Variants in CNTN4 observed in about 807,000 individuals in gnomAD.
The protein encoded by CNTN4 is contactin 4.
In CNTN4, 77 loss-of-function variants were observed where a neutral mutation model predicts 122.5. That is an observed-to-expected ratio of 0.63 (90% CI 0.52 to 0.76). CNTN4 has a LOEUF of 0.76. Ranked by LOEUF, CNTN4 falls within the 30% of genes least tolerant of loss-of-function variation. The pLI is 0.00. For missense variants in CNTN4, 1,256 were observed against 1,259.1 expected (o/e 1.00, Z 0.04); for synonymous variants, 512 against 447.0 (o/e 1.15, Z -1.83).
At chr3:2,479,015 T>C (rs1414266109) in intron 3 of CNTN4, among the ~76,000 whole-genome samples, 2 of 152,146 alleles carry the variant, frequency 1.3e-5, no homozygotes, top group African/African-American at 4.8e-5. Context: ...CTTAACTGCA[T>C]ATTCTCTTAT....
At chr3:2,264,338 G>A (rs2040957025) in intron 2 of CNTN4, among the ~76,000 whole-genome samples, 1 of 151,958 alleles carries the variant, frequency 6.6e-6, no homozygotes, top group Non-Finnish European at 1.5e-5. Flanking sequence ...TTCTCACTGT[G>A]TTTTTTACTT....
intron 2 of CNTN4, among the ~76,000 whole-genome samples, chr3:2,297,619 A>C (rs1303586797): frequency 6.6e-6 from 1 of 152,100 alleles, no homozygotes; most frequent in African/African-American, 2.4e-5. Context: ...TGTTATTTTT[A>C]TTTTCCGTCT....
chr3:2,597,996 T>C (rs2080851708), intron 4 of CNTN4, among the ~76,000 whole-genome samples: 1 of 152,212 alleles, frequency 6.6e-6, no homozygotes, highest in African/African-American at 2.4e-5. Context: ...AGGCAGCTGC[T>C]GAAATTTTTA....
intron 3 of CNTN4, among the ~76,000 whole-genome samples, chr3:2,406,087 T>C (rs1161749358): frequency 6.6e-6 from 1 of 151,784 alleles, no homozygotes; most frequent in Non-Finnish European, 1.5e-5. Context: ...TTGTTGCAGA[T>C]GAGATACACT....
chr3:2,536,393 CT>C (rs1408613361), intron 3 of CNTN4, among the ~76,000 whole-genome samples: 5 of 152,068 alleles, frequency 3.3e-5, no homozygotes, highest in African/African-American at 1.2e-4. Context: ...TGATATTTGA[CT>C]TCATATACTG....
At chr3:2,544,440 C>A (rs2078157641) in intron 3 of CNTN4, among the ~76,000 whole-genome samples, 1 of 151,988 alleles carries the variant, frequency 6.6e-6, no homozygotes, top group African/African-American at 2.4e-5. Context: ...ATTTTAAGCA[C>A]CTTTAAAGTA....
intron 3 of CNTN4, among the ~76,000 whole-genome samples, chr3:2,418,779 A>C (rs1009180059): frequency 2.6e-5 from 4 of 152,242 alleles, no homozygotes; most frequent in African/African-American, 9.6e-5. Context: ...AATTGATGAA[A>C]GTAATCAGTA....
At chr3:3,006,424 T>C (rs1696654346) in intron 14 of CNTN4, among the ~76,000 whole-genome samples, 1 of 152,188 alleles carries the variant, frequency 6.6e-6, no homozygotes, top group Admixed American at 6.5e-5. Context: ...AATCATCCTA[T>C]CTCAGAGTTG....
At chr3:2,360,821 G>A (rs1024164231) in intron 3 of CNTN4, among the ~76,000 whole-genome samples, 1 of 152,140 alleles carries the variant, frequency 6.6e-6, no homozygotes, top group African/African-American at 2.4e-5. Context: ...CATGACACAT[G>A]GGGATTATGG....
intron 4 of CNTN4, among the ~76,000 whole-genome samples, chr3:2,653,471 A>G (rs1051873835): frequency 6.6e-6 from 1 of 152,216 alleles, no homozygotes; most frequent in Admixed American, 6.5e-5. Context: ...ACATTCAGAA[A>G]GGAGAAATAA....
chr3:2,292,721 ATAT>A (rs1314734692), intron 2 of CNTN4, among the ~76,000 whole-genome samples: 6 of 152,190 alleles, frequency 3.9e-5, no homozygotes, highest in Non-Finnish European at 8.8e-5. Context: ...ATATTCATAC[ATAT>A]TATTCTATCT....
intron 2 of CNTN4, among the ~76,000 whole-genome samples, chr3:2,232,669 C>G (rs1430727947): frequency 6.6e-6 from 1 of 152,170 alleles, no homozygotes; most frequent in Non-Finnish European, 1.5e-5. Context: ...ATGTGAATGT[C>G]TATTACCCCA....
chr3:2,816,037 C>T (rs2092719178), intron 6 of CNTN4, among the ~76,000 whole-genome samples: 1 of 151,854 alleles, frequency 6.6e-6, no homozygotes, highest in South Asian at 2.1e-4. Flanking sequence ...GGGAGCTAAG[C>T]TATGAGGACG....
chr3:2,651,913 G>A (rs1370202159), intron 4 of CNTN4, among the ~76,000 whole-genome samples: 3 of 151,618 alleles, frequency 2.0e-5, no homozygotes, highest in African/African-American at 4.8e-5. Flanking sequence ...CACCATGTTG[G>A]CCAGGCTGAT....
intron 3 of CNTN4, among the ~76,000 whole-genome samples, chr3:2,523,257 T>C (rs2077283050): frequency 1.3e-5 from 2 of 151,704 alleles, no homozygotes; most frequent in African/African-American, 2.4e-5. Context: ...TTCTAATATA[T>C]GCATTCTCTA....
At chr3:2,853,974 C>G (rs2093589001) in intron 7 of CNTN4, among the ~76,000 whole-genome samples, 1 of 152,166 alleles carries the variant, frequency 6.6e-6, no homozygotes, top group Non-Finnish European at 1.5e-5. Context: ...GCCTTTCTGG[C>G]AAACCTGGTA....
chr3:2,609,771 A>G (rs930975535), intron 4 of CNTN4, among the ~76,000 whole-genome samples: 2 of 152,176 alleles, frequency 1.3e-5, no homozygotes, highest in African/African-American at 4.8e-5. Flanking sequence ...TTAAAATTAC[A>G]TATTTTCCAT....
chr3:2,210,557 T>A (rs2149436939), intron 2 of CNTN4, among the ~76,000 whole-genome samples: 1 of 152,300 alleles, frequency 6.6e-6, no homozygotes, highest in African/African-American at 2.4e-5. Flanking sequence ...TTGGGGATTA[T>A]CTCCATTGAT....
At chr3:2,700,007 C>A (rs2086270426) in intron 4 of CNTN4, among the ~76,000 whole-genome samples, 1 of 152,070 alleles carries the variant, frequency 6.6e-6, no homozygotes, top group Admixed American at 6.6e-5. Context: ...GTCTATGACT[C>A]TGAGTATCTC....
Sources: gnomAD v4.1 joint callset for allele counts (sites outside exome capture counted in the v4.1 genomes callset) on GRCh38, gnomAD v4.1.1 for gene constraint, MANE v1.5 for transcripts, NCBI Gene and HGNC (gene_info 2026-07-23, HGNC 2026-07-21) for gene names.